Variants in GOLGB1 observed in about 807,000 individuals in gnomAD.
GOLGB1 encodes golgin B1.
Under a neutral mutation model 336.9 loss-of-function variants are expected in GOLGB1, and 174 were observed. That is an observed-to-expected ratio of 0.52 (90% CI 0.46 to 0.59). The LOEUF (loss-of-function observed/expected upper bound fraction) is 0.59. GOLGB1 is among the 20% of genes least tolerant of loss of function. GOLGB1 has a pLI of 0.00. For missense variants in GOLGB1, 3,331 were observed against 3,645.3 expected (o/e 0.91, Z 2.22); for synonymous variants, 1,208 against 1,289.2 (o/e 0.94, Z 1.35).
chr3:121,667,945 C>G (rs1213721528), intron 19 of GOLGB1, 116 bp downstream of exon 19: 13 of 595,356 alleles, frequency 2.2e-5, no homozygotes, highest in Non-Finnish European at 3.9e-5. Context: ...TTCTGTGAGG[C>G]TAATAAGATA....
intron 14 of GOLGB1, among the ~76,000 whole-genome samples, chr3:121,685,345 G>A (rs1177864203): frequency 6.6e-6 from 1 of 152,008 alleles, no homozygotes; most frequent in Non-Finnish European, 1.5e-5. Flanking sequence ...GACCACCCTG[G>A]CCAACATGGT....
At chr3:121,682,640 C>T (rs1169438080) in intron 14 of GOLGB1, among the ~76,000 whole-genome samples, 1 of 152,090 alleles carries the variant, frequency 6.6e-6, no homozygotes, top group African/African-American at 2.4e-5. Context: ...TCATTAAAAG[C>T]TTAGTAAGGG....
In GOLGB1 at chr3:121,696,924, T is replaced by C. The variant is rs1942998976; in HGVS notation, c.3599A>G (p.Gln1200Arg). The change falls in exon 13 of 22, where the codon CAG (glutamine) becomes CGG (arginine). Residue 1200 changes from glutamine (Q) to arginine (R), a missense_variant. Gln to Arg is a conservative substitution (Grantham distance 43, BLOSUM62 1). Coordinates refer to ENST00000614479, the MANE Select transcript of GOLGB1 (RefSeq NM_001366282.2). ...TSRKAILKKA[Q>R]EKERHLREEL... ...CTCCCTGAGATGTCTTTCTTTCTCC[T>C]GTGCCTTTTTAAGAATTGCCTTGCG... is the stretch of plus-strand genomic sequence containing the variant. The C allele has an allele frequency of 2.5e-6, 4 of 1,613,970 alleles. No individual in the cohort carries two copies. Among genetic ancestry groups the C allele is most frequent in the Non-Finnish European group, 3.4e-6 (4 of 1,179,974 alleles).
chr3:121,698,875 G>A lies in GOLGB1; in HGVS notation c.1648C>T (p.Gln550Ter). 1 of 1,607,168 alleles carries A rather than the reference G, an allele frequency of 6.2e-7. No individual in the cohort carries two copies. Among genetic ancestry groups the A allele is most frequent in the Non-Finnish European group, 8.5e-7 (1 of 1,175,772 alleles). Reference protein sequence around the residue: ...KRSSSAEESGQDVLENTFSQK... With the variant: ...KRSSSAEESG ...GAAAATGTGTTTTCTAGAACATCTT[G>A]TCCACTTTCCTCAGCAGAAGAGCTC... Residue 550 changes from glutamine (Q) to a stop codon, truncating the protein, a stop_gained, in exon 13 of 22, where the codon CAA becomes TAA. Coordinates refer to ENST00000614479, the MANE Select transcript of GOLGB1 (RefSeq NM_001366282.2). LOFTEE classifies it high-confidence loss of function.
At chr3:121,725,389 T>G (rs904267961) in intron 5 of GOLGB1, among the ~76,000 whole-genome samples, 4 of 152,184 alleles carry the variant, frequency 2.6e-5, no homozygotes, top group African/African-American at 9.7e-5. Context: ...TAAGGCCCAA[T>G]GTCTACTCTC....
chr3:121,677,491 G>A, intron 15 of GOLGB1, 41 bp from the exon 16 acceptor site: 1 of 1,404,950 alleles, frequency 7.1e-7, no homozygotes, highest in East Asian at 2.3e-5. Context: ...AAATATACTT[G>A]TAACTGGGCA....
rs1043538885 is a variant in GOLGB1, at chr3:121,664,290, G to C, written c.*190C>G. ...TTCAGGCTCAGGGCAGTAGAAGAAA[G>C]CAGACTCGCCAGTCCCTGCAGCTCC... On this transcript the variant is annotated 3_prime_UTR_variant, in exon 22 of 22. Transcript: ENST00000614479. The C allele has an allele frequency of 8.2e-6, 5 of 606,184 alleles. No homozygotes were observed. In the East Asian group the frequency reaches 8.3e-5, roughly 10 times the overall value. The allele number at this position is 606,184 out of a possible 1,614,324, so 37.6% of individuals were successfully genotyped here. A position where few individuals can be genotyped will look rare whatever the true frequency, so the allele number is the denominator to read the frequency against.
intron 6 of GOLGB1, among the ~76,000 whole-genome samples, chr3:121,721,221 G>A (rs1945170276): frequency 6.6e-6 from 1 of 151,634 alleles, no homozygotes; most frequent in South Asian, 2.1e-4. Context: ...CAGAGAGAAG[G>A]CACTACTAAT....
chr3:121,665,971 T>A (rs1297151716), intron 20 of GOLGB1, among the ~76,000 whole-genome samples: 1 of 152,262 alleles, frequency 6.6e-6, no homozygotes, highest in Non-Finnish European at 1.5e-5. Context: ...AGAGCCAGGC[T>A]GACTAAAAAA....
At chr3:121,692,619 GA>G (rs747239723) in intron 13 of GOLGB1, 38 bp from the exon 14 acceptor site, 15 of 1,218,152 alleles carry the variant, frequency 1.2e-5, no homozygotes, top group South Asian at 4.5e-5. Flanking sequence ...CAGATTTCAA[GA>G]AAAAAACTGT....
intron 10 of GOLGB1, among the ~76,000 whole-genome samples, chr3:121,704,269 A>G (rs961997818): frequency 2.6e-5 from 4 of 152,314 alleles, no homozygotes; most frequent in Non-Finnish European, 4.4e-5. Flanking sequence ...TTTCTCAAAC[A>G]TAACGTTATA....
chr3:121,727,555 G>A (rs905983679), intron 4 of GOLGB1, among the ~76,000 whole-genome samples: 4 of 151,692 alleles, frequency 2.6e-5, no homozygotes, highest in African/African-American at 4.8e-5. Context: ...TAGAAAACCC[G>A]AAGTCTTGTT....
intron 1 of GOLGB1, among the ~76,000 whole-genome samples, chr3:121,741,623 A>G (rs1199039009): frequency 6.6e-6 from 1 of 152,224 alleles, no homozygotes; most frequent in Non-Finnish European, 1.5e-5. Context: ...AGTTATGAAA[A>G]GAAGATACAG....
At chr3:121,714,229 A>C (rs928120234) in intron 10 of GOLGB1, among the ~76,000 whole-genome samples, 1 of 152,218 alleles carries the variant, frequency 6.6e-6, no homozygotes, top group Non-Finnish European at 1.5e-5. Context: ...AATGGAGATG[A>C]CTGAATCTAG....
chr3:121,727,320 A>ATAT (rs1365310516), intron 4 of GOLGB1, among the ~76,000 whole-genome samples: 10 of 28,634 alleles, frequency 3.5e-4, no homozygotes, highest in African/African-American at 7.8e-4. Context: ...ATATATATAT[A>ATAT]TTTTTTTTTT....
At chr3:121,729,772 C>A in intron 3 of GOLGB1, 93 bp downstream of exon 3, 1 of 942,596 alleles carries the variant, frequency 1.1e-6, no homozygotes, top group South Asian at 1.6e-5. Context: ...ATCAGATTCC[C>A]TAATAATCTA....
In GOLGB1 at chr3:121,677,365, T is replaced by A; in HGVS notation, c.8959A>T (p.Ser2987Cys). The A allele has an allele frequency of 6.2e-7, 1 of 1,606,142 alleles. No individual in the cohort carries two copies. The highest frequency in any genetic ancestry group is 8.5e-7 in the Non-Finnish European group (1 of 1,172,718). ...TCCCTTATAAGATTCTGCAGATGAC[T>A]GAGCTGCTGATCTTTATCTGAGATA... ...MAISDKDQQL[S>C]HLQNLIRELR... Residue 2987 changes from serine (S) to cysteine (C), a missense_variant, in exon 16 of 22, where the codon AGT (serine) becomes TGT (cysteine). By Grantham distance (112) the Ser-to-Cys change is moderately radical. Coordinates refer to ENST00000614479, the MANE Select transcript of GOLGB1 (RefSeq NM_001366282.2).
At chr3:121,699,497 C>T (rs1348922735) in intron 12 of GOLGB1, among the ~76,000 whole-genome samples, 4 of 152,130 alleles carry the variant, frequency 2.6e-5, no homozygotes, top group South Asian at 2.1e-4. Context: ...CTTATCTAAT[C>T]TCTTCACTGA....
chr3:121,730,073 C>A, intron 2 of GOLGB1, 56 bp from the exon 3 acceptor site: 1 of 1,259,588 alleles, frequency 7.9e-7, no homozygotes, highest in South Asian at 1.3e-5. Flanking sequence ...AGCTTCCCAA[C>A]AGGAGTTTCT....
Sources: gnomAD v4.1 joint callset for allele counts (sites outside exome capture counted in the v4.1 genomes callset) on GRCh38, gnomAD v4.1.1 for gene constraint, MANE v1.5 for transcripts, NCBI Gene and HGNC (gene_info 2026-07-23, HGNC 2026-07-21) for gene names.